The following TCF7L1 variants were observed in gnomAD, a reference collection of about 807,000 sequenced individuals.
The protein encoded by TCF7L1 is transcription factor 7-like 1.
A neutral mutation model predicts 63.7 loss-of-function variants in TCF7L1; 18 were observed. The observed-to-expected ratio is 0.28, with a 90% CI of 0.20 to 0.42. TCF7L1 has a LOEUF of 0.42. TCF7L1 is among the 10% of genes least tolerant of loss of function. The pLI, the probability that TCF7L1 is intolerant of heterozygous loss-of-function variation, is 1.00. For missense variants in TCF7L1, 654 were observed against 779.3 expected (o/e 0.84, Z 1.91); for synonymous variants, 355 against 340.9 (o/e 1.04, Z -0.46).
intron 3 of TCF7L1, among the ~76,000 whole-genome samples, chr2:85,150,050 A>T (rs1677970461): frequency 6.6e-6 from 1 of 152,202 alleles, no homozygotes; most frequent in Non-Finnish European, 1.5e-5. Context: ...TCATCTATGG[A>T]ACTTATTAAG....
At chr2:85,183,099 C>T (rs1223500118) in intron 3 of TCF7L1, among the ~76,000 whole-genome samples, 1 of 152,134 alleles carries the variant, frequency 6.6e-6, no homozygotes, top group Non-Finnish European at 1.5e-5. Flanking sequence ...TCCTTTTGTG[C>T]ACCCAGGAGG....
chr2:85,231,902 C>T (rs1446851535), intron 3 of TCF7L1, among the ~76,000 whole-genome samples: 2 of 152,138 alleles, frequency 1.3e-5, no homozygotes, highest in Non-Finnish European at 2.9e-5. Flanking sequence ...CAGAGAGCTT[C>T]CCTGTGCCTC....
intron 4 of TCF7L1, among the ~76,000 whole-genome samples, chr2:85,290,439 G>A (rs1299076589): frequency 6.6e-6 from 1 of 152,142 alleles, no homozygotes; most frequent in African/African-American, 2.4e-5. Flanking sequence ...GTCTCCAAAA[G>A]TGCTAGGATT....
chr2:85,239,640 G>A (rs1680278308), intron 3 of TCF7L1, among the ~76,000 whole-genome samples: 1 of 152,070 alleles, frequency 6.6e-6, no homozygotes, highest in Admixed American at 6.6e-5. Flanking sequence ...TTTTCATGTA[G>A]CCACATTAAA....
chr2:85,182,637 A>T (rs928749573), intron 3 of TCF7L1, among the ~76,000 whole-genome samples: 3 of 152,208 alleles, frequency 2.0e-5, no homozygotes, highest in African/African-American at 7.2e-5. Flanking sequence ...ACTGGACATG[A>T]AGCTGGTGAT....
chr2:85,167,168 C>T (rs114664588), intron 3 of TCF7L1: 3,244 of 152,350 alleles, frequency 0.021, 53 homozygotes, highest in South Asian at 0.033. Flanking sequence ...TCAGAGATAA[C>T]GCCTACTCTA....
At chr2:85,231,565 C>G (rs1420579839) in intron 3 of TCF7L1, among the ~76,000 whole-genome samples, 1 of 152,158 alleles carries the variant, frequency 6.6e-6, no homozygotes, top group East Asian at 1.9e-4. Flanking sequence ...ACCACCCACC[C>G]AACTCCACTC....
intron 3 of TCF7L1, among the ~76,000 whole-genome samples, chr2:85,167,771 G>C (rs1678455246): frequency 6.6e-6 from 1 of 152,132 alleles, no homozygotes; most frequent in Non-Finnish European, 1.5e-5. Flanking sequence ...GACTGAGGTG[G>C]GAGGATCGCT....
At chr2:85,182,577 C>T (rs1213921891) in intron 3 of TCF7L1, among the ~76,000 whole-genome samples, 1 of 152,188 alleles carries the variant, frequency 6.6e-6, no homozygotes, top group Admixed American at 6.5e-5. Context: ...GCTTGTGCTA[C>T]CAGCTTTTGA....
At chr2:85,227,208 C>T (rs1322500503) in intron 3 of TCF7L1, among the ~76,000 whole-genome samples, 1 of 152,138 alleles carries the variant, frequency 6.6e-6, no homozygotes, top group African/African-American at 2.4e-5. Flanking sequence ...CTCTTCCTGC[C>T]CTCACCCCTT....
At chr2:85,286,371 C>A (rs577990883) in intron 4 of TCF7L1, among the ~76,000 whole-genome samples, 14,214 of 118,188 alleles carry the variant, frequency 0.12, 960 homozygotes, top group African/African-American at 0.31. Flanking sequence ...AACAAACAAA[C>A]AAAAAAAAAA....
chr2:85,152,696 A>C (rs1317712269), intron 3 of TCF7L1, among the ~76,000 whole-genome samples: 1 of 134,164 alleles, frequency 7.5e-6, no homozygotes, highest in Non-Finnish European at 1.6e-5. Flanking sequence ...CGGCCTCCCA[A>C]AGTGCTGGGA....
chr2:85,166,541 G>A lies in TCF7L1; in HGVS notation c.441+32091G>A, dbSNP rs182640960. 5.3e-5 allele frequency among the ~76,000 whole-genome samples: 8 copies of A among 152,338 alleles called. No individual in the cohort carries two copies. In the East Asian group the frequency reaches 1.5e-3, roughly 29 times the overall value. On this transcript the variant is annotated intron_variant, in intron 3 of 11. Coordinates refer to ENST00000282111, the MANE Select transcript of TCF7L1 (RefSeq NM_031283.3). ...GGTTGTAGGGTAAGGTCTTAGCCTG[G>A]TGGGCATGGGGGTACCCAGGAGCCC...
At chr2:85,219,444 G>T (rs562562170) in intron 3 of TCF7L1, among the ~76,000 whole-genome samples, 1 of 152,246 alleles carries the variant, frequency 6.6e-6, no homozygotes, top group South Asian at 2.1e-4. Context: ...ATTGTTTACA[G>T]TAGCATAAAC....
intron 3 of TCF7L1, among the ~76,000 whole-genome samples, chr2:85,175,062 G>T (rs1461667436): frequency 6.6e-6 from 1 of 152,220 alleles, no homozygotes; most frequent in Non-Finnish European, 1.5e-5. Context: ...GCAGCGCCAT[G>T]TGACATCCTT....
chr2:85,135,561 A>T (rs931487123), intron 3 of TCF7L1, among the ~76,000 whole-genome samples: 2 of 152,124 alleles, frequency 1.3e-5, no homozygotes, highest in Admixed American at 1.3e-4. Flanking sequence ...AACGACGATA[A>T]TTAAAGGGTG....
chr2:85,218,236 TTTTATTTA>T (rs139892042), intron 3 of TCF7L1, among the ~76,000 whole-genome samples: 27 of 149,340 alleles, frequency 1.8e-4, no homozygotes, highest in East Asian at 5.8e-4. Flanking sequence ...ACTTTACTTA[TTTTATTTA>T]TTTATTTATT....
At chr2:85,227,246 T>C (rs79936301) in intron 3 of TCF7L1, among the ~76,000 whole-genome samples, 2,239 of 152,284 alleles carry the variant, frequency 0.015, 38 homozygotes, top group Admixed American at 0.027. Context: ...ACTGCATTGC[T>C]CTGCTCTGCT....
At chr2:85,280,651 G>A (rs1293915702) in intron 3 of TCF7L1, among the ~76,000 whole-genome samples, 1 of 152,186 alleles carries the variant, frequency 6.6e-6, no homozygotes, top group Non-Finnish European at 1.5e-5. Context: ...CCTGGTAGTT[G>A]TTATTGTAGT....
Sources: allele counts gnomAD v4.1 joint callset (sites outside exome capture counted in the v4.1 genomes callset), GRCh38; gene constraint gnomAD v4.1.1; transcripts MANE v1.5; gene names NCBI Gene and HGNC (gene_info 2026-07-23, HGNC 2026-07-21).